The following ACAD11 variants were observed in gnomAD, a reference collection of about 807,000 sequenced individuals.
ACAD11 encodes the protein acyl-CoA dehydrogenase family member 11, also known as acyl-Coenzyme A dehydrogenase family, member 11.
ACAD11 carries 83 observed loss-of-function variants against 102.2 expected under a neutral mutation model. The observed-to-expected ratio is 0.81, with a 90% CI of 0.68 to 0.97. The LOEUF (loss-of-function observed/expected upper bound fraction) is 0.97. Ranked by LOEUF, ACAD11 falls within the 50% of genes least tolerant of loss-of-function variation. ACAD11 has a pLI of 0.00. For missense variants in ACAD11, 901 were observed against 951.7 expected (o/e 0.95, Z 0.70); for synonymous variants, 324 against 319.8 (o/e 1.01, Z -0.14).
At chr3:132,576,830 A>C in intron 16 of ACAD11, 114 bp downstream of exon 16, 1 of 766,698 alleles carries the variant, frequency 1.3e-6, no homozygotes, top group South Asian at 1.7e-5. Flanking sequence ...CACGAACCTA[A>C]TATCTAAATC....
intron 2 of ACAD11, among the ~76,000 whole-genome samples, chr3:132,643,671 C>T (rs1940610153): frequency 6.6e-6 from 1 of 151,968 alleles, no homozygotes; most frequent in South Asian, 2.1e-4. Flanking sequence ...GTGAGAGCAG[C>T]CAGCAGTACC....
chr3:132,583,769 C>T (rs1367287810), intron 13 of ACAD11, among the ~76,000 whole-genome samples: 1 of 152,118 alleles, frequency 6.6e-6, no homozygotes, highest in East Asian at 1.9e-4. Flanking sequence ...TCGTTGGTTT[C>T]AAAGAACATC....
At chr3:132,585,174 C>T (rs1303537750) in intron 13 of ACAD11, among the ~76,000 whole-genome samples, 2 of 152,236 alleles carry the variant, frequency 1.3e-5, no homozygotes, top group African/African-American at 4.8e-5. Flanking sequence ...GAACAGAGCC[C>T]TCAGAAATAA....
In ACAD11 at chr3:132,558,795, G is replaced by A; in HGVS notation, c.*176C>T. On this transcript the variant is annotated 3_prime_UTR_variant, in exon 20 of 20. Coordinates refer to ENST00000264990, the MANE Select transcript of ACAD11 (RefSeq NM_032169.5). ...CATTTCTTACTGAACTTAACCCTGT[G>A]TGACCCTTGAAATAATAAAACCCAC... is the stretch of plus-strand genomic sequence containing the variant. 1.8e-6 allele frequency: 1 copy of A among 565,840 alleles called. No individual in the cohort carries two copies. The highest frequency in any genetic ancestry group is 3.1e-6 in the Non-Finnish European group (1 of 324,404). 35.1% of individuals were successfully genotyped at this position (565,840 alleles called of 1,614,324 possible).
At chr3:132,637,102 G>A (rs1018746861) in intron 5 of ACAD11, among the ~76,000 whole-genome samples, 2 of 152,068 alleles carry the variant, frequency 1.3e-5, no homozygotes, top group Non-Finnish European at 2.9e-5. Context: ...GCAAAAATAT[G>A]AGGATTCAAG....
intron 17 of ACAD11, among the ~76,000 whole-genome samples, chr3:132,562,691 C>T (rs547970082): frequency 6.6e-6 from 1 of 152,224 alleles, no homozygotes; most frequent in South Asian, 2.1e-4. Context: ...CTGTTGATCC[C>T]CTTCAATGTA....
chr3:132,588,314 C>A (rs937320781), intron 13 of ACAD11, among the ~76,000 whole-genome samples: 9 of 152,154 alleles, frequency 5.9e-5, no homozygotes, highest in African/African-American at 2.2e-4. Context: ...AGAACTCCCC[C>A]AGAGTTCTTA....
chr3:132,560,346 G>A (rs556191939), intron 18 of ACAD11, among the ~76,000 whole-genome samples: 15 of 152,214 alleles, frequency 9.9e-5, no homozygotes, highest in African/African-American at 3.4e-4. Context: ...ACATAAGAAA[G>A]CAAAGGATGA....
rs1940652035 is a variant in ACAD11, at chr3:132,644,689, A to T, written c.249+108T>A. 4 of 455,300 alleles carry T rather than the reference A, an allele frequency of 8.8e-6. No individual in the cohort carries two copies. In the South Asian group the frequency reaches 2.6e-4, roughly 30 times the overall value. 28.2% of individuals were successfully genotyped at this position (455,300 alleles called of 1,614,324 possible). On this transcript the variant is annotated intron_variant, in intron 2 of 19. Transcript: ENST00000264990. ...TTTCATTAGAAATAAAATATATTTTATATTATTTGGCAATCATAAGATGCC... is the reference window on the plus strand; with the variant it reads ...TTTCATTAGAAATAAAATATATTTTTTATTATTTGGCAATCATAAGATGCC...
intron 17 of ACAD11, among the ~76,000 whole-genome samples, chr3:132,571,927 G>A (rs966478646): frequency 2.0e-5 from 3 of 152,048 alleles, no homozygotes; most frequent in African/African-American, 7.2e-5. Context: ...AAAATAATAA[G>A]AGCCATCTAT....
At chr3:132,566,478 C>G (rs72998122) in intron 17 of ACAD11, among the ~76,000 whole-genome samples, 2,702 of 152,074 alleles carry the variant, frequency 0.018, 81 homozygotes, top group African/African-American at 0.061. Flanking sequence ...ATTCAAGAAG[C>G]TGGGTGAATC....
intron 11 of ACAD11, 71 bp downstream of exon 11, chr3:132,618,557 CATTCTT>C (rs1429751602): frequency 6.4e-6 from 8 of 1,252,024 alleles, no homozygotes; most frequent in Non-Finnish European, 7.4e-6. Flanking sequence ...TATAAAAACA[CATTCTT>C]ATCATATATA....
chr3:132,561,728 G>T (rs539252354), intron 17 of ACAD11, among the ~76,000 whole-genome samples: 21 of 152,272 alleles, frequency 1.4e-4, no homozygotes, highest in South Asian at 4.1e-4. Context: ...GTAGACAGTT[G>T]AATTATAATA....
intron 8 of ACAD11, 133 bp from the exon 9 acceptor site, chr3:132,626,950 T>C (rs1343368773): frequency 3.5e-6 from 3 of 865,146 alleles, no homozygotes; most frequent in Non-Finnish European, 5.0e-6. Flanking sequence ...GTATTTTATA[T>C]TTTAAAAAAG....
In ACAD11 at chr3:132,639,487, T is replaced by A; in HGVS notation, c.702+5A>T. 1.9e-6 allele frequency: 3 copies of A among 1,611,620 alleles called. No individual in the cohort carries two copies. Among genetic ancestry groups the A allele is most frequent in the Non-Finnish European group, 2.5e-6 (3 of 1,179,094 alleles). Reference sequence around the variant, plus strand: ...TCAATTAATTGTAAACATAGCTAACTGTACCTCTTTAGGGTGGAAAACTAT... The same window carrying A: ...TCAATTAATTGTAAACATAGCTAACAGTACCTCTTTAGGGTGGAAAACTAT... On this transcript the variant is annotated splice_donor_5th_base_variant and intron_variant, in intron 5 of 19. Coordinates refer to ENST00000264990, the MANE Select transcript of ACAD11 (RefSeq NM_032169.5).
intron 13 of ACAD11, among the ~76,000 whole-genome samples, chr3:132,595,058 G>A (rs546094697): frequency 6.6e-6 from 1 of 152,270 alleles, no homozygotes; most frequent in Non-Finnish European, 1.5e-5. Context: ...TAAATGATAT[G>A]GTGCATTAGA....
chr3:132,637,864 T>A lies in ACAD11; in HGVS notation c.702+1628A>T, dbSNP rs113773266. On this transcript the variant is annotated intron_variant, in intron 5 of 19. Coordinates refer to ENST00000264990, the MANE Select transcript of ACAD11 (RefSeq NM_032169.5). ...TTTAAAATTGTTTATTCTTCTTTCT[T>A]AATTGTTGTGTTTTCTGATGACAAA... 8.8e-4 allele frequency among the ~76,000 whole-genome samples: 134 copies of A among 152,320 alleles called. 1 individual carries two copies. The highest frequency in any genetic ancestry group is 5.4e-3 in the South Asian group (26 of 4,826).
At chr3:132,572,862 T>C (rs1937421218) in intron 17 of ACAD11, among the ~76,000 whole-genome samples, 2 of 152,240 alleles carry the variant, frequency 1.3e-5, no homozygotes, top group African/African-American at 4.8e-5. Flanking sequence ...ACTGCGCACC[T>C]TCCTTACATC....
At chr3:132,564,797 A>T (rs989804283) in intron 17 of ACAD11, among the ~76,000 whole-genome samples, 3 of 152,212 alleles carry the variant, frequency 2.0e-5, no homozygotes. Context: ...AACCCTGGGC[A>T]TTATCTATAA....
Sources: allele counts gnomAD v4.1 joint callset (sites outside exome capture counted in the v4.1 genomes callset), GRCh38; gene constraint gnomAD v4.1.1; transcripts MANE v1.5; gene names NCBI Gene and HGNC (gene_info 2026-07-23, HGNC 2026-07-21).